Variants in SPIRE1 observed in about 807,000 individuals in gnomAD.
SPIRE1 encodes spire type actin nucleation factor 1.
In SPIRE1, 40 loss-of-function variants were observed where a neutral mutation model predicts 94.1. The observed-to-expected ratio is 0.43, with a 90% confidence interval of 0.33 to 0.55. The LOEUF (loss-of-function observed/expected upper bound fraction) is 0.55, where lower values mean the gene tolerates loss of function less well. Ranked by LOEUF, SPIRE1 falls within the 20% of genes least tolerant of loss-of-function variation. SPIRE1 has a pLI of 0.06. For synonymous variants in SPIRE1, 376 were observed against 371.7 expected (o/e 1.01, Z -0.13); for missense variants, 838 against 975.2 (o/e 0.86, Z 1.87).
At chr18:12,479,376 T>C (rs2032755906) in intron 10 of SPIRE1, among the ~76,000 whole-genome samples, 2 of 152,054 alleles carry the variant, frequency 1.3e-5, no homozygotes. Flanking sequence ...GGTCTTGCTA[T>C]GTTGCCCAGG....
At chr18:12,557,465 C>A (rs1285882677) in intron 2 of SPIRE1, among the ~76,000 whole-genome samples, 3 of 152,216 alleles carry the variant, frequency 2.0e-5, no homozygotes, top group Non-Finnish European at 4.4e-5. Flanking sequence ...CCAGTGCCCA[C>A]CCAGAACTCA....
At chr18:12,658,432 C>T (rs1160084748), upstream of SPIRE1, 2 of 401,842 alleles carry the variant, frequency 5.0e-6, no homozygotes, top group East Asian at 1.5e-4. Flanking sequence ...CGGGGCCGGG[C>T]GCGCGGTCGG....
chr18:12,551,218 C>A lies in SPIRE1; in HGVS notation c.373-4314G>T, dbSNP rs141276780. 9.0e-3 allele frequency among the ~76,000 whole-genome samples: 1,364 copies of A among 152,112 alleles called. 30 individuals carry two copies. Among genetic ancestry groups the A allele is most frequent in the African/African-American group, 0.03 (1,258 of 41,486 alleles). On this transcript the variant is annotated intron_variant, in intron 2 of 16. Coordinates refer to ENST00000409402, the MANE Select transcript of SPIRE1 (RefSeq NM_001128626.2). ...CTTTGGATCTTGTCTATTTTGTTCA[C>A]CATTGTGAACAAAATGCTGTATGTC...
intron 2 of SPIRE1, among the ~76,000 whole-genome samples, chr18:12,568,133 C>G (rs1402670058): frequency 1.3e-5 from 2 of 152,214 alleles, no homozygotes; most frequent in Non-Finnish European, 2.9e-5. Flanking sequence ...GAAGAGTGAT[C>G]GGGGTACTTC....
chr18:12,479,317 G>A (rs900494965), intron 10 of SPIRE1, among the ~76,000 whole-genome samples: 3 of 151,798 alleles, frequency 2.0e-5, no homozygotes, highest in African/African-American at 4.8e-5. Context: ...TGGGACCAGA[G>A]GTATGCACTA....
At chr18:12,530,927 G>T (rs1335095115) in intron 4 of SPIRE1, among the ~76,000 whole-genome samples, 2 of 152,188 alleles carry the variant, frequency 1.3e-5, no homozygotes, top group South Asian at 4.2e-4. Flanking sequence ...CACTCTCAAC[G>T]TGGAGGCAAT....
chr18:12,481,803 G>A (rs182463609), intron 9 of SPIRE1, among the ~76,000 whole-genome samples: 19 of 152,190 alleles, frequency 1.2e-4, no homozygotes, highest in African/African-American at 4.3e-4. Context: ...TCAATAAGGA[G>A]ATAAGAGAAA....
intron 1 of SPIRE1, among the ~76,000 whole-genome samples, chr18:12,645,808 C>T (rs1050119345): frequency 2.6e-5 from 4 of 152,136 alleles, no homozygotes; most frequent in Non-Finnish European, 5.9e-5. Flanking sequence ...TATAAATACA[C>T]ACTCGACCAT....
chr18:12,522,614 G>A (rs974844016), intron 4 of SPIRE1, among the ~76,000 whole-genome samples: 4 of 152,200 alleles, frequency 2.6e-5, no homozygotes, highest in African/African-American at 9.6e-5. Flanking sequence ...AGAAATCAGT[G>A]CTTGGCTTCA....
chr18:12,647,893 A>G (rs1567990424), intron 1 of SPIRE1, among the ~76,000 whole-genome samples: 2 of 152,348 alleles, frequency 1.3e-5, no homozygotes, highest in Non-Finnish European at 2.9e-5. Context: ...CAGGAAATAT[A>G]TAAGATGATC....
intron 2 of SPIRE1, among the ~76,000 whole-genome samples, chr18:12,606,729 C>A (rs1484549245): frequency 2.0e-5 from 3 of 152,152 alleles, no homozygotes; most frequent in African/African-American, 7.2e-5. Flanking sequence ...CCGGGTTTCG[C>A]CATGTTGGCC....
At chr18:12,509,684 G>A (rs962974010) in intron 5 of SPIRE1, among the ~76,000 whole-genome samples, 5 of 152,234 alleles carry the variant, frequency 3.3e-5, no homozygotes, top group African/African-American at 1.2e-4. Context: ...GATAAACTGC[G>A]ATATATTCAC....
At chr18:12,655,897 A>C (rs928234357) in intron 1 of SPIRE1, among the ~76,000 whole-genome samples, 1 of 151,980 alleles carries the variant, frequency 6.6e-6, no homozygotes, top group African/African-American at 2.4e-5. Context: ...CCAAGGCACG[A>C]TATTGCTGTA....
At chr18:12,451,665 AG>A (rs1443707521) in intron 16 of SPIRE1, among the ~76,000 whole-genome samples, 2 of 152,222 alleles carry the variant, frequency 1.3e-5, no homozygotes, top group Non-Finnish European at 2.9e-5. Context: ...GGTAGATCAA[AG>A]CCCAGCCTCT....
At chr18:12,494,013 G>A (rs184588515) in intron 7 of SPIRE1, among the ~76,000 whole-genome samples, 20 of 151,904 alleles carry the variant, frequency 1.3e-4, no homozygotes, top group Admixed American at 2.0e-4. Flanking sequence ...GAAGTGATCC[G>A]TCTACCTCAG....
intron 3 of SPIRE1, 73 bp from the exon 4 acceptor site, chr18:12,535,674 G>GGGGGGCGGCTCGGA: frequency 7.0e-7 from 1 of 1,426,240 alleles, no homozygotes; most frequent in Non-Finnish European, 9.6e-7. Context: ...AAACAGACAC[G>GGGGGGCGGCTCGGA]AGCAGAGTGC....
chr18:12,451,714 C>G (rs2031248968), intron 16 of SPIRE1, among the ~76,000 whole-genome samples: 1 of 152,226 alleles, frequency 6.6e-6, no homozygotes, highest in Non-Finnish European at 1.5e-5. Flanking sequence ...GGCCTACCTC[C>G]TTCCATCTTT....
chr18:12,626,282 G>A (rs1314213922), intron 2 of SPIRE1, among the ~76,000 whole-genome samples: 1 of 152,104 alleles, frequency 6.6e-6, no homozygotes, highest in Non-Finnish European at 1.5e-5. Flanking sequence ...TAACCAGATC[G>A]AGGTCCAAGA....
intron 2 of SPIRE1, among the ~76,000 whole-genome samples, chr18:12,598,284 T>C (rs1459987942): frequency 2.0e-5 from 3 of 152,326 alleles, no homozygotes; most frequent in Non-Finnish European, 4.4e-5. Flanking sequence ...CCTAAATTCC[T>C]GGTTATTAAA....
Sources: allele counts gnomAD v4.1 joint callset (sites outside exome capture counted in the v4.1 genomes callset), GRCh38; gene constraint gnomAD v4.1.1; transcripts MANE v1.5; gene names NCBI Gene and HGNC (gene_info 2026-07-23, HGNC 2026-07-21).